RYR1: variants seen among roughly 807,000 people sequenced by gnomAD.
RYR1 encodes ryanodine receptor 1, also known as central core disease of muscle.
In RYR1, 342 loss-of-function variants were observed where a neutral mutation model predicts 583.5. The observed-to-expected ratio is 0.59, with a 90% CI of 0.54 to 0.64. The LOEUF (loss-of-function observed/expected upper bound fraction) is 0.64, where lower values mean the gene tolerates loss of function less well. Ranked by LOEUF, RYR1 falls within the 30% of genes least tolerant of loss-of-function variation. The pLI is 0.00. For missense variants in RYR1, 6,032 were observed against 6,917.2 expected (o/e 0.87, Z 4.54); for synonymous variants, 2,791 against 2,822.5 (o/e 0.99, Z 0.35).
intron 9 of RYR1, among the ~76,000 whole-genome samples, chr19:38,447,908 A>C (rs1973027400): frequency 6.7e-6 from 1 of 150,310 alleles, no homozygotes; most frequent in East Asian, 2.0e-4. Flanking sequence ...CCTGTGGGAA[A>C]AGGAGGTTTG....
In RYR1 at chr19:38,469,350, T is replaced by G. The variant is rs1284409833; in HGVS notation, c.3602T>G (p.Leu1201Arg). ...TTGGGACCTGGCCAGGTGGGTCATCTGAACCTGGGCCAGGACGTGAGCTCT... is the reference window on the plus strand; with the variant it reads ...TTGGGACCTGGCCAGGTGGGTCATCGGAACCTGGGCCAGGACGTGAGCTCT... ...CSLGPGQVGH[L>R]NLGQDVSSLR... The change falls in exon 27 of 106, where the codon CTG (leucine) becomes CGG (arginine). Residue 1201 changes from leucine (L) to arginine (R), a missense_variant. Leu to Arg is a moderately radical substitution (Grantham distance 102). Coordinates refer to ENST00000359596, the MANE Select transcript of RYR1 (RefSeq NM_000540.3). The G allele has an allele frequency of 6.2e-7, 1 of 1,613,976 alleles. No homozygotes were observed. The highest frequency in any genetic ancestry group is 1.3e-5 in the African/African-American group (1 of 74,912).
In RYR1 at chr19:38,561,384, C is replaced by T. The variant is rs764029140; in HGVS notation, c.12554C>T (p.Ala4185Val). ...CTGGGCCGCATCGAGATCATGGGCG[C>T]GTCACGCCGCATCGAGCGCATCTAC... is the stretch of plus-strand genomic sequence containing the variant. ...PYLGRIEIMG[A>V]SRRIERIYFE... is the part of the protein sequence containing the mutation. Residue 4185 changes from alanine (A) to valine (V), a missense_variant, in exon 90 of 106, where the codon GCG becomes GTG. Coordinates refer to ENST00000359596, the MANE Select transcript of RYR1 (RefSeq NM_000540.3). This position sits in a 1 kb window ranked among gnomAD's most constrained non-coding sequence, Gnocchi z 4.8. The T allele has an allele frequency of 4.3e-6, 7 of 1,613,378 alleles. No homozygotes were observed. Among genetic ancestry groups the T allele is most frequent in the Non-Finnish European group, 5.9e-6 (7 of 1,180,010 alleles).
chr19:38,458,002 C>T (rs1967506983), intron 17 of RYR1, 49 bp from the exon 18 acceptor site: 2 of 1,602,802 alleles, frequency 1.2e-6, no homozygotes, highest in Admixed American at 1.7e-5. Flanking sequence ...ACTTGGCTCT[C>T]CTCTCTGCCT....
chr19:38,535,611 A>G, intron 81 of RYR1: 1 of 620,600 alleles, frequency 1.6e-6, no homozygotes, highest in South Asian at 1.9e-5. Context: ...TATGAATTCC[A>G]GACAGTGGAA....
chr19:38,507,041 C>A, intron 57 of RYR1, 89 bp downstream of exon 57: 1 of 1,585,822 alleles, frequency 6.3e-7, no homozygotes, highest in South Asian at 1.1e-5. Flanking sequence ...GGGGTGGAGC[C>A]GAGAGGAACG....
intron 30 of RYR1, 93 bp downstream of exon 30, chr19:38,477,963 G>A: frequency 1.5e-6 from 2 of 1,323,304 alleles, no homozygotes; most frequent in Non-Finnish European, 2.1e-6. Flanking sequence ...GCCTGGTTGT[G>A]GGACCTAGGA....
chr19:38,586,634 C>T (rs1974502863), intron 105 of RYR1, 58 bp downstream of exon 105: 2 of 1,503,798 alleles, frequency 1.3e-6, no homozygotes, highest in Non-Finnish European at 9.3e-7. Context: ...TAACATAAGG[C>T]CAGTCAGTAG....
chr19:38,463,141 GCCCCCCCCC>G lies in RYR1; in HGVS notation c.2578-276_2578-268del, dbSNP rs34883994. ...TTGAACTCCTGACCTCAGGCGATCT[GCCCCCCCCC>G]CCCCCACTTAGCCTCCCAAAGTGCT... On this transcript the variant is annotated intron_variant, in intron 20 of 105. Coordinates refer to ENST00000359596, the MANE Select transcript of RYR1 (RefSeq NM_000540.3). Among the ~76,000 whole-genome samples the G allele has an allele frequency of 2.7e-4, 9 of 32,960 alleles. 2 individuals are homozygous for G. The highest frequency in any genetic ancestry group is 1.9e-3 in the South Asian group (2 of 1,048). 21.6% of individuals were successfully genotyped at this position (32,960 alleles called of 152,430 possible).
intron 89 of RYR1, among the ~76,000 whole-genome samples, chr19:38,549,098 A>G (rs529576589): frequency 6.6e-6 from 1 of 152,140 alleles, no homozygotes; most frequent in South Asian, 2.1e-4. Context: ...TCATGGGTTT[A>G]TAGTCTAATG....
chr19:38,587,459 C>T lies in RYR1; in HGVS notation c.*39C>T, dbSNP rs774201308. On this transcript the variant is annotated 3_prime_UTR_variant, in exon 106 of 106. Coordinates refer to ENST00000359596, the MANE Select transcript of RYR1 (RefSeq NM_000540.3). ...GGCCCTCCACCCCCACCTCAAGTGC[C>T]TTATTCTCACAGCAAGCCCCTTAGT... The T allele has an allele frequency of 8.8e-6, 13 of 1,469,634 alleles. No homozygotes were observed. In the African/African-American group the frequency reaches 1.7e-4, roughly 19 times the overall value. 91.0% of individuals were successfully genotyped at this position (1,469,634 alleles called of 1,614,324 possible).
At position 38,494,400 on chromosome 19, in the gene RYR1, A is replaced by C. The variant is rs762445685; in HGVS notation, c.6323A>C (p.Glu2108Ala). The C allele has an allele frequency of 6.2e-7, 1 of 1,611,960 alleles. No individual in the cohort carries two copies. The highest frequency in any genetic ancestry group is 8.5e-7 in the Non-Finnish European group (1 of 1,180,014). ...VSHMVVRWAQ[E>A]DFVQSPELVR... ...CACATGGTGGTGCGCTGGGCCCAAG[A>C]GGACTTCGTGCAGAGCCCCGAGCTG... is the stretch of plus-strand genomic sequence containing the variant. The change falls in exon 39 of 106, where the codon GAG becomes GCG. Residue 2108 changes from glutamate to alanine, a missense_variant. This residue lies in a region of RYR1 where 2,627 missense variants were observed against 2,961.3 expected (regional missense o/e 0.89). Coordinates refer to ENST00000359596, the MANE Select transcript of RYR1 (RefSeq NM_000540.3).
intron 90 of RYR1, among the ~76,000 whole-genome samples, chr19:38,564,398 G>A (rs1205535900): frequency 2.6e-5 from 4 of 152,294 alleles, no homozygotes; most frequent in South Asian, 4.1e-4. Flanking sequence ...GGTGGCAGGC[G>A]CCTGTAATCC....
At position 38,473,445 on chromosome 19, in the gene RYR1, C is replaced by T. The variant is rs1406967617; in HGVS notation, c.3834C>T (p.Ser1278=). The change falls in exon 28 of 106, where the codon TCC becomes TCT. Residue 1278 remains serine (S), a synonymous_variant. Transcript: ENST00000359596. ...GCCTGACCCACCGCACCTGGGGCTC[C>T]CAGAACAGCCTGGTGGAGATGCTTT... is the stretch of plus-strand genomic sequence containing the variant. ...CLRLTHRTWG[S]QNSLVEMLFL... is the part of the protein sequence containing the mutation. 3.1e-6 allele frequency: 5 copies of T among 1,613,842 alleles called. 1 individual carries two copies. The Admixed American group carries it at 8.3e-5, about 27-fold the overall frequency.
chr19:38,477,294 C>G (rs995439301), intron 29 of RYR1, among the ~76,000 whole-genome samples: 1 of 152,068 alleles, frequency 6.6e-6, no homozygotes, highest in African/African-American at 2.4e-5. Flanking sequence ...AGGCGCCCAC[C>G]ACCATGCCCG....
In RYR1 at chr19:38,459,177, G is replaced by A. The variant is rs749285937; in HGVS notation, c.2199G>A (p.Gly733=). 2.5e-6 allele frequency: 4 copies of A among 1,613,894 alleles called. No individual in the cohort carries two copies. The highest frequency in any genetic ancestry group is 3.4e-6 in the Non-Finnish European group (4 of 1,180,030). The change falls in exon 19 of 106, where the codon GGG becomes GGA. Residue 733 remains glycine, a synonymous_variant. Coordinates refer to ENST00000359596, the MANE Select transcript of RYR1 (RefSeq NM_000540.3). The part of the protein sequence containing the change: ...GHVARPVTSP[G]QHLLAPEDVI... ...TGGCACGCCCAGTGACTTCCCCAGGGCAGCACCTCCTGGCCCCTGAAGACG... is the reference window on the plus strand; with the variant it reads ...TGGCACGCCCAGTGACTTCCCCAGGACAGCACCTCCTGGCCCCTGAAGACG...
At chr19:38,558,193 G>A (rs2145821078) in intron 89 of RYR1, among the ~76,000 whole-genome samples, 2 of 151,440 alleles carry the variant, frequency 1.3e-5, no homozygotes, top group South Asian at 4.2e-4. Context: ...GCATGCCTGT[G>A]GTCCCAACTT....
intron 13 of RYR1, 33 bp from the exon 14 acceptor site, chr19:38,455,202 C>G: frequency 1.9e-6 from 3 of 1,613,152 alleles, no homozygotes; most frequent in Non-Finnish European, 2.5e-6. Flanking sequence ...CCTGGGTCTC[C>G]TATTGTGATG....
intron 11 of RYR1, among the ~76,000 whole-genome samples, chr19:38,449,382 C>T (rs1186565825): frequency 1.3e-5 from 2 of 152,164 alleles, no homozygotes; most frequent in Non-Finnish European, 2.9e-5. Flanking sequence ...ATTGCTTGAA[C>T]CTGGGAAGTG....
In RYR1 at chr19:38,504,353, C is replaced by G. The variant is rs1297120517; in HGVS notation, c.8060C>G (p.Ala2687Gly). 2 of 1,613,970 alleles carry G rather than the reference C, an allele frequency of 1.2e-6. No individual in the cohort carries two copies. Among genetic ancestry groups the G allele is most frequent in the African/African-American group, 1.3e-5 (1 of 74,900 alleles). ...KLFWGIFDSL[A>G]HKKYDPELYR... ...TTCTGGGGCATCTTTGACTCTCTGG[C>G]CCATAAGGTCTGGGCAGCAGGGAGC... The change falls in exon 50 of 106, where the codon GCC (alanine) becomes GGC (glycine). Residue 2687 changes from alanine to glycine, a missense_variant. By Grantham distance (60) the Ala-to-Gly change is moderately conservative. Transcript: ENST00000359596.
Sources: allele counts gnomAD v4.1 joint callset (sites outside exome capture counted in the v4.1 genomes callset), GRCh38; gene constraint gnomAD v4.1.1; regional missense constraint gnomAD v4.1.1; non-coding constraint Gnocchi (gnomAD v3.1); transcripts MANE v1.5; gene names NCBI Gene and HGNC (gene_info 2026-07-23, HGNC 2026-07-21).